The following PSMB7 variants were observed in gnomAD, a reference collection of about 807,000 sequenced individuals.
PSMB7 encodes proteasome 20S subunit beta 7.
In PSMB7, 5 loss-of-function variants were observed where a neutral mutation model predicts 28.1. The ratio of observed to expected loss-of-function variants is 0.18; its 90% CI spans 0.09 to 0.37. PSMB7 has a LOEUF of 0.37. PSMB7 is among the 10% of genes least tolerant of loss of function. PSMB7 has a pLI of 1.00. For missense variants in PSMB7, 275 were observed against 346.2 expected, an observed-to-expected ratio of 0.79 and a Z score of 1.63; for synonymous variants, 122 against 123.7, an observed-to-expected ratio of 0.99 and a Z score of 0.09.
chr9:124,400,432 G>A (rs1187021713), intron 5 of PSMB7, among the ~76,000 whole-genome samples: 1 of 152,160 alleles, frequency 6.6e-6, no homozygotes, highest in Non-Finnish European at 1.5e-5. Context: ...CCTTTTCTGG[G>A]CTGCCCAGCA....
chr9:124,408,856 T>C (rs1182721480), intron 4 of PSMB7, among the ~76,000 whole-genome samples: 1 of 152,210 alleles, frequency 6.6e-6, no homozygotes, highest in Non-Finnish European at 1.5e-5. Context: ...AGGTTTCTAG[T>C]GTCTACGTTT....
intron 6 of PSMB7, among the ~76,000 whole-genome samples, chr9:124,378,976 T>C (rs1165684040): frequency 1.3e-5 from 2 of 152,204 alleles, no homozygotes; most frequent in Non-Finnish European, 2.9e-5. Context: ...TGAATTCTTA[T>C]ACCAGCCTTA....
rs745620838 is a variant in PSMB7 at position 124,353,636 on chromosome 9, C to T, written c.796G>A (p.Val266Met). The change falls in exon 8 of 8, where the codon GTG becomes ATG. Residue 266 changes from valine (V) to methionine (M), a missense_variant. Transcript: ENST00000259457. ...TEKITPLEIE[V>M]LEETVQTMDT... ...ATTGTTTGGACTGTTTCTTCCAGCA[C>T]CTCAATCTCCAGAGGAGTGATTTTC... The T allele has an allele frequency of 4.3e-6, 7 of 1,614,046 alleles. No homozygotes were observed. The highest frequency in any genetic ancestry group is 5.9e-6 in the Non-Finnish European group (7 of 1,179,902).
intron 6 of PSMB7, among the ~76,000 whole-genome samples, chr9:124,376,366 T>C (rs1386112788): frequency 1.3e-5 from 2 of 151,944 alleles, no homozygotes; most frequent in East Asian, 3.9e-4. Flanking sequence ...ACAAGCTATT[T>C]AGGGTGGAGG....
At chr9:124,401,047 G>A (rs1588580723) in intron 5 of PSMB7, among the ~76,000 whole-genome samples, 2 of 152,026 alleles carry the variant, frequency 1.3e-5, no homozygotes, top group South Asian at 2.1e-4. Flanking sequence ...TCATTTGTGT[G>A]TTTTTTTTAA....
At position 124,356,641 on chromosome 9, in the gene PSMB7, T is replaced by G. The variant is rs1830410603; in HGVS notation, c.722+123A>C. On this transcript the variant is annotated intron_variant, in intron 7 of 7. Coordinates refer to ENST00000259457, the MANE Select transcript of PSMB7 (RefSeq NM_002799.4). The surrounding 1 kb of genome is among the most constrained non-coding windows in gnomAD (Gnocchi z 4.4). ...CCGAAGGTCTGTGTGGGAGGTTGAT[T>G]TGGGAACACTGGATGTACTTAATGT... 1 of 1,178,284 alleles carries G rather than the reference T, an allele frequency of 8.5e-7. No individual in the cohort carries two copies. The allele number at this position is 1,178,284 out of a possible 1,614,324, so 73.0% of individuals were successfully genotyped here.
intron 7 of PSMB7, among the ~76,000 whole-genome samples, chr9:124,355,806 C>G (rs1239154723): frequency 1.3e-5 from 2 of 152,248 alleles, no homozygotes; most frequent in Non-Finnish European, 2.9e-5. Flanking sequence ...GCTGCCCCAC[C>G]CCATCAGGAG....
intron 6 of PSMB7, among the ~76,000 whole-genome samples, chr9:124,373,958 A>G (rs1046842665): frequency 3.3e-5 from 5 of 152,250 alleles, no homozygotes; most frequent in Admixed American, 2.0e-4. Flanking sequence ...CAATGCTCAC[A>G]GCAGCATTAT....
chr9:124,380,828 G>C (rs1359855798), intron 6 of PSMB7, among the ~76,000 whole-genome samples: 1 of 152,156 alleles, frequency 6.6e-6, no homozygotes, highest in Non-Finnish European at 1.5e-5. Context: ...AAAATTAATA[G>C]AGCAGGTGGC....
At chr9:124,359,014 C>T (rs1830441707) in intron 6 of PSMB7, among the ~76,000 whole-genome samples, 1 of 152,202 alleles carries the variant, frequency 6.6e-6, no homozygotes, top group Non-Finnish European at 1.5e-5. Flanking sequence ...AGACTGCTGA[C>T]AGTGCTATGT....
intron 6 of PSMB7, among the ~76,000 whole-genome samples, chr9:124,361,370 A>G (rs1830464145): frequency 6.6e-6 from 1 of 152,222 alleles, no homozygotes; most frequent in South Asian, 2.1e-4. Flanking sequence ...TAAAAGGCAC[A>G]AAGAGGTCCA....
intron 7 of PSMB7, among the ~76,000 whole-genome samples, chr9:124,354,924 A>G (rs940232423): frequency 1.3e-5 from 2 of 152,140 alleles, no homozygotes; most frequent in African/African-American, 4.8e-5. Flanking sequence ...ATGCATTCAG[A>G]GCTTCCGCCT....
At chr9:124,401,178 T>C (rs953612580) in intron 5 of PSMB7, among the ~76,000 whole-genome samples, 1 of 152,248 alleles carries the variant, frequency 6.6e-6, no homozygotes, top group African/African-American at 2.4e-5. Flanking sequence ...GAGACTTTTC[T>C]TATAGTTCTT....
intron 6 of PSMB7, among the ~76,000 whole-genome samples, chr9:124,363,906 T>C (rs1830485037): frequency 6.6e-6 from 1 of 152,062 alleles, no homozygotes; most frequent in South Asian, 2.1e-4. Flanking sequence ...ACGGCCACAA[T>C]GGGCTGGAAA....
At position 124,405,437 on chromosome 9, in the gene PSMB7, T is replaced by C. The variant is rs761677209; in HGVS notation, c.396-5A>G. ...GCACCAATGTAACCTTGATACCTGG[T>C]GATCAGAGTATGCATAAGAAAAAAA... On this transcript the variant is annotated splice_region_variant and splice_polypyrimidine_tract_variant and intron_variant, in intron 4 of 7. Transcript: ENST00000259457. The C allele has an allele frequency of 1.9e-5, 30 of 1,581,550 alleles. No homozygotes were observed. The highest frequency in any genetic ancestry group is 2.5e-5 in the Non-Finnish European group (29 of 1,150,968).
At chr9:124,385,723 G>T (rs1830712115) in intron 5 of PSMB7, among the ~76,000 whole-genome samples, 1 of 152,132 alleles carries the variant, frequency 6.6e-6, no homozygotes, top group South Asian at 2.1e-4. Flanking sequence ...CACCTCAATG[G>T]TTTAGCAAAG....
chr9:124,389,737 G>C (rs1375928306), intron 5 of PSMB7, among the ~76,000 whole-genome samples: 2 of 152,132 alleles, frequency 1.3e-5, no homozygotes, highest in African/African-American at 4.8e-5. Context: ...ATGCCCTGTG[G>C]AGTCCTGGAA....
Position 124,356,251 on chromosome 9 carries a change from C to G in PSMB7, c.722+513G>C, listed in dbSNP as rs1478994900. Among the ~76,000 whole-genome samples the G allele has an allele frequency of 6.6e-6, 1 of 152,232 alleles. No homozygotes were observed. The highest frequency in any genetic ancestry group is 6.5e-5 in the Admixed American group (1 of 15,288). ...ACTGCTCTGAGTCTGCGCTGCACCA[C>G]TGAGCCGAGGGGCCCACTCGGCATG... On this transcript the variant is annotated intron_variant, in intron 7 of 7. Transcript: ENST00000259457. The surrounding 1 kb of genome is among the most constrained non-coding windows in gnomAD (Gnocchi z 4.4).
At chr9:124,353,857 G>A in intron 7 of PSMB7, 148 bp from the exon 8 acceptor site, 2 of 681,558 alleles carry the variant, frequency 2.9e-6, no homozygotes, top group South Asian at 3.4e-5. Context: ...TGATCTTGGG[G>A]GATTCAACTT....
Sources: gnomAD v4.1 joint callset for allele counts (sites outside exome capture counted in the v4.1 genomes callset) on GRCh38, gnomAD v4.1.1 for gene constraint, Gnocchi (gnomAD v3.1) non-coding constraint, MANE v1.5 for transcripts, NCBI Gene and HGNC (gene_info 2026-07-23, HGNC 2026-07-21) for gene names.